Variants in GPATCH3 observed in about 807,000 individuals in gnomAD.
The protein encoded by GPATCH3 is G-patch domain containing 3.
GPATCH3 carries 45 observed loss-of-function variants against 53.2 expected under a neutral mutation model. The ratio of observed to expected loss-of-function variants is 0.85; its 90% confidence interval spans 0.67 to 1.08. GPATCH3 has a LOEUF of 1.08. Ranked by LOEUF, GPATCH3 falls within the 50% of genes least tolerant of loss-of-function variation. The pLI is 0.00. For synonymous variants in GPATCH3, 280 were observed against 270.6 expected (o/e 1.03, Z -0.34); for missense variants, 680 against 687.2 (o/e 0.99, Z 0.12).
Position 26,890,602 on chromosome 1 carries a change from A to G in GPATCH3, c.*408T>C, listed in dbSNP as rs2081919335. 1 of 370,006 alleles carries G rather than the reference A, an allele frequency of 2.7e-6. No homozygotes were observed. The highest frequency in any genetic ancestry group is 5.4e-6 in the Non-Finnish European group (1 of 186,910). The allele number at this position is 370,006 out of a possible 1,614,324, so 22.9% of individuals were successfully genotyped here. ...GTAGAGGCGGTGGAGGGCCCACCCA[A>G]GGCCGGCTCTTCCAAGCACCACAAA... On this transcript the variant is annotated 3_prime_UTR_variant, in exon 7 of 7. Transcript: ENST00000361720.
At chr1:26,891,550 T>TA (rs1224762238) in intron 6 of GPATCH3, among the ~76,000 whole-genome samples, 2 of 152,032 alleles carry the variant, frequency 1.3e-5, no homozygotes, top group Non-Finnish European at 1.5e-5. Flanking sequence ...TTACTTTATT[T>TA]ATTTATTTAT....
Position 26,890,817 on chromosome 1 carries a change from G to A in GPATCH3, c.*193C>T. On this transcript the variant is annotated 3_prime_UTR_variant, in exon 7 of 7. Coordinates refer to ENST00000361720, the MANE Select transcript of GPATCH3 (RefSeq NM_022078.3). ...CGGTCGTTACCCCTAATATCCAAGGGGAGGGGACGGGAGGGGGCTTTTTGT... is the reference window on the plus strand; with the variant it reads ...CGGTCGTTACCCCTAATATCCAAGGAGAGGGGACGGGAGGGGGCTTTTTGT... 1.3e-6 allele frequency: 1 copy of A among 773,972 alleles called. No individual in the cohort carries two copies. The highest frequency in any genetic ancestry group is 2.4e-6 in the Non-Finnish European group (1 of 415,762). The allele number at this position is 773,972 out of a possible 1,614,324, so 47.9% of individuals were successfully genotyped here.
intron 6 of GPATCH3, among the ~76,000 whole-genome samples, chr1:26,891,649 C>T (rs1427264520): frequency 6.6e-6 from 1 of 152,036 alleles, no homozygotes; most frequent in African/African-American, 2.4e-5. Context: ...TGGGTTCAAG[C>T]GATTCTCCTG....
At chr1:26,899,748 T>G (rs547920359) in intron 1 of GPATCH3, among the ~76,000 whole-genome samples, 1 of 152,286 alleles carries the variant, frequency 6.6e-6, no homozygotes, top group South Asian at 2.1e-4. Flanking sequence ...ATCAACCCCT[T>G]GGATAGAGAA....
In GPATCH3 at chr1:26,893,427, T is replaced by C. The variant is rs1304765120; in HGVS notation, c.1073A>G (p.Asp358Gly). The change falls in exon 4 of 7, where the codon GAT (aspartate) becomes GGT (glycine). Residue 358 changes from aspartate (D) to glycine (G), a missense_variant. Transcript: ENST00000361720. ...EEGDFDEQTA[D>G]DWDVDMSVYY... ...CACACTCATGTCCACATCCCAGTCATCGGCTGTCTGTTCATCAAAATCTGT... is the reference window on the plus strand; with the variant it reads ...CACACTCATGTCCACATCCCAGTCACCGGCTGTCTGTTCATCAAAATCTGT... 6.2e-7 allele frequency: 1 copy of C among 1,612,884 alleles called. No individual in the cohort carries two copies. The highest frequency in any genetic ancestry group is 8.5e-7 in the Non-Finnish European group (1 of 1,179,114).
At chr1:26,898,565 T>C (rs2081960561) in intron 1 of GPATCH3, among the ~76,000 whole-genome samples, 1 of 151,962 alleles carries the variant, frequency 6.6e-6, no homozygotes, top group Non-Finnish European at 1.5e-5. Context: ...ACCCACCTGA[T>C]GACCTTTTGA....
chr1:26,900,197 C>G lies in GPATCH3; in HGVS notation c.246G>C (p.Ser82=), dbSNP rs1285672428. 2 of 1,614,076 alleles carry G rather than the reference C, an allele frequency of 1.2e-6. No homozygotes were observed. Among genetic ancestry groups the G allele is most frequent in the Non-Finnish European group, 1.7e-6 (2 of 1,180,036 alleles). ...TGGAGAGAGGCCGGACATCGGTGGC[C>G]GAAGTCTGAGAGAGAAGCTGGCCCT... ...AAEGQLLSQT[S]ATDVRPLSTR... Residue 82 remains serine, a synonymous_variant, in exon 1 of 7, where the codon TCG becomes TCC. Coordinates refer to ENST00000361720, the MANE Select transcript of GPATCH3 (RefSeq NM_022078.3).
At position 26,896,534 on chromosome 1, in the gene GPATCH3, A is replaced by T. The variant is rs866259493; in HGVS notation, c.876+767T>A. ...GTGAAACCCTGTCTCTACTAAAAATAAAAAAAAAAAAAAAAATTAGCCGGG... is the reference window on the plus strand; with the variant it reads ...GTGAAACCCTGTCTCTACTAAAAATTAAAAAAAAAAAAAAAATTAGCCGGG... On this transcript the variant is annotated intron_variant, in intron 2 of 6. Coordinates refer to ENST00000361720, the MANE Select transcript of GPATCH3 (RefSeq NM_022078.3). Among the ~76,000 whole-genome samples the T allele has an allele frequency of 5.4e-4, 60 of 111,678 alleles. 1 individual carries two copies. The South Asian group carries it at 0.012, about 23-fold the overall frequency. The allele number at this position is 111,678 out of a possible 152,430, so 73.3% of individuals were successfully genotyped here.
chr1:26,900,425 C>T lies in GPATCH3; in HGVS notation c.18G>A (p.Glu6=), dbSNP rs866798317. ...GGTAAACTGTCGCCTCCTCCTCCGC[C>T]TCGCCGGGCACCGCCATCTTGGATT... is the stretch of plus-strand genomic sequence containing the variant. MAVPG[E]AEEEATVYLV... Residue 6 remains glutamate, a synonymous_variant, in exon 1 of 7, where the codon GAG becomes GAA. Coordinates refer to ENST00000361720, the MANE Select transcript of GPATCH3 (RefSeq NM_022078.3). 3 of 1,609,858 alleles carry T rather than the reference C, an allele frequency of 1.9e-6. No individual in the cohort carries two copies. The highest frequency in any genetic ancestry group is 1.8e-4 in the Middle Eastern group (1 of 5,552).
rs1304485969 is a variant in GPATCH3 at position 26,897,735 on chromosome 1, G to A, written c.452-10C>T. On this transcript the variant is annotated splice_polypyrimidine_tract_variant and intron_variant, in intron 1 of 6. Coordinates refer to ENST00000361720, the MANE Select transcript of GPATCH3 (RefSeq NM_022078.3). ...GGAAAGGAGCCCAGACCTTGGAAAG[G>A]AGGGAGAATAGATCTTGAAACCCAG... 3.2e-6 allele frequency: 5 copies of A among 1,587,138 alleles called. No individual in the cohort carries two copies. The South Asian group carries it at 5.7e-5, about 18-fold the overall frequency.
intron 3 of GPATCH3, 40 bp downstream of exon 3, chr1:26,894,196 G>A (rs914345954): frequency 8.8e-6 from 14 of 1,594,844 alleles, no homozygotes; most frequent in Admixed American, 1.7e-5. Context: ...AAAGAATGCA[G>A]CAGGGGTCAC....
chr1:26,897,212 C>G lies in GPATCH3; in HGVS notation c.876+89G>C, dbSNP rs545601883. On this transcript the variant is annotated intron_variant, in intron 2 of 6. Transcript: ENST00000361720. ...CTCCTGAGGACCCCAGGTTAAGAAC[C>G]CTTGTAATAGACAATTGAAGAGTGG... The G allele has an allele frequency of 1.1e-4, 145 of 1,306,046 alleles. 4 individuals carry two copies. In the South Asian group the frequency reaches 2.0e-3, roughly 18 times the overall value. 80.9% of individuals were successfully genotyped at this position (1,306,046 alleles called of 1,614,324 possible).
intron 2 of GPATCH3, among the ~76,000 whole-genome samples, chr1:26,896,797 C>T (rs528720134): frequency 1.2e-3 from 174 of 151,022 alleles, no homozygotes; most frequent in Non-Finnish European, 2.1e-3. Flanking sequence ...CTGAGGCAGG[C>T]GGGTCACGAG....
chr1:26,893,592 C>T, intron 3 of GPATCH3, 144 bp from the exon 4 acceptor site: 1 of 604,100 alleles, frequency 1.7e-6, no homozygotes, highest in Admixed American at 2.8e-5. Context: ...ATGACCTTGG[C>T]TCACTCCAAC....
intron 2 of GPATCH3, among the ~76,000 whole-genome samples, chr1:26,896,378 G>A (rs929457567): frequency 2.3e-4 from 35 of 150,510 alleles, no homozygotes; most frequent in Admixed American, 1.1e-3. Context: ...TTCTGTGCCC[G>A]GCTGGAAATA....
intron 3 of GPATCH3, among the ~76,000 whole-genome samples, chr1:26,893,902 G>C (rs915071253): frequency 1.3e-5 from 2 of 151,420 alleles, no homozygotes; most frequent in Non-Finnish European, 2.9e-5. Flanking sequence ...CTGCAACCTT[G>C]AACTCCTGGG....
At chr1:26,897,856 G>A in intron 1 of GPATCH3, 131 bp from the exon 2 acceptor site, 1 of 757,244 alleles carries the variant, frequency 1.3e-6, no homozygotes, top group South Asian at 1.9e-5. Flanking sequence ...TAAAAATCTA[G>A]GCCGACACAG....
intron 5 of GPATCH3, 31 bp downstream of exon 5, chr1:26,892,639 G>A (rs770842005): frequency 1.6e-5 from 25 of 1,611,570 alleles, no homozygotes; most frequent in Non-Finnish European, 1.7e-5. Context: ...AAAAGAGAGG[G>A]GTCCATGGGG....
At chr1:26,893,651 G>C (rs765675483) in intron 3 of GPATCH3, among the ~76,000 whole-genome samples, 6 of 148,470 alleles carry the variant, frequency 4.0e-5, no homozygotes, top group Non-Finnish European at 4.4e-5. Context: ...CTCCCAAGTA[G>C]CTGGGACTAC....
Sources: gnomAD v4.1 joint callset for allele counts (sites outside exome capture counted in the v4.1 genomes callset) on GRCh38, gnomAD v4.1.1 for gene constraint, MANE v1.5 for transcripts, NCBI Gene and HGNC (gene_info 2026-07-23, HGNC 2026-07-21) for gene names.